The following ST3GAL3 variants were observed in gnomAD, a reference collection of about 807,000 sequenced individuals.
The protein encoded by ST3GAL3 is CMP-N-acetylneuraminate-beta-1,4-galactoside alpha-2,3-sialyltransferase.
In ST3GAL3, 21 loss-of-function variants were observed where a neutral mutation model predicts 50.1. The ratio of observed to expected loss-of-function variants is 0.42; its 90% CI spans 0.30 to 0.60. The LOEUF (loss-of-function observed/expected upper bound fraction) is 0.60, where lower values mean the gene tolerates loss of function less well. Ranked by LOEUF, ST3GAL3 falls within the 20% of genes least tolerant of loss-of-function variation. ST3GAL3 has a pLI of 0.19. For missense variants in ST3GAL3, 353 were observed against 489.4 expected (o/e 0.72, Z 2.63); for synonymous variants, 183 against 190.0 (o/e 0.96, Z 0.30).
chr1:43,927,249 C>T (rs2428961), intron 11 of ST3GAL3, among the ~76,000 whole-genome samples: 14,964 of 151,962 alleles, frequency 0.098, 928 homozygotes, highest in South Asian at 0.23. Flanking sequence ...TGCTTGAACC[C>T]GGGAGGCAGA....
At chr1:43,779,687 T>C (rs1022044407) in intron 2 of ST3GAL3, among the ~76,000 whole-genome samples, 1 of 152,216 alleles carries the variant, frequency 6.6e-6, no homozygotes, top group African/African-American at 2.4e-5. Context: ...CTCCAATTCT[T>C]CTAATACGGT....
chr1:43,723,707 G>T (rs569995887), intron 1 of ST3GAL3, among the ~76,000 whole-genome samples: 35 of 152,076 alleles, frequency 2.3e-4, no homozygotes, highest in Non-Finnish European at 4.6e-4. Context: ...TGCCTCCTGG[G>T]TTCAAGTGAT....
intron 1 of ST3GAL3, among the ~76,000 whole-genome samples, chr1:43,732,429 C>T (rs1676354216): frequency 6.6e-6 from 1 of 152,238 alleles, no homozygotes; most frequent in African/African-American, 2.4e-5. Context: ...CTTCTCTTCT[C>T]CAGCCAGCTC....
intron 5 of ST3GAL3, 71 bp from the exon 6 acceptor site, chr1:43,894,312 C>A: frequency 6.8e-7 from 1 of 1,469,486 alleles, no homozygotes; most frequent in Non-Finnish European, 9.5e-7. Context: ...CCAAGACCGA[C>A]GTACGGAAGT....
intron 9 of ST3GAL3, among the ~76,000 whole-genome samples, chr1:43,910,919 G>T (rs1279314804): frequency 6.6e-6 from 1 of 152,174 alleles, no homozygotes; most frequent in African/African-American, 2.4e-5. Context: ...GAGCCAAGAG[G>T]GATGTGCCCA....
intron 5 of ST3GAL3, among the ~76,000 whole-genome samples, chr1:43,864,852 A>T (rs1023901250): frequency 6.6e-6 from 1 of 152,104 alleles, no homozygotes; most frequent in African/African-American, 2.4e-5. Context: ...ATTTCCTAAC[A>T]TAGGAAACAC....
chr1:43,746,171 A>G (rs1482538742), intron 2 of ST3GAL3, among the ~76,000 whole-genome samples: 1 of 152,238 alleles, frequency 6.6e-6, no homozygotes, highest in African/African-American at 2.4e-5. Context: ...AAATTTTGAC[A>G]CATGCTGCAG....
intron 2 of ST3GAL3, among the ~76,000 whole-genome samples, chr1:43,775,934 G>C (rs1203812331): frequency 2.0e-5 from 3 of 152,120 alleles, no homozygotes; most frequent in Non-Finnish European, 2.9e-5. Context: ...TTTGTCCACA[G>C]TCAGCCTCCA....
chr1:43,921,146 G>A (rs968383151), intron 11 of ST3GAL3, among the ~76,000 whole-genome samples: 5 of 152,094 alleles, frequency 3.3e-5, no homozygotes, highest in Admixed American at 6.5e-5. Flanking sequence ...CCCTGGTCCT[G>A]CACCTCCCTC....
chr1:43,743,556 A>G (rs1682038406), intron 2 of ST3GAL3: 1 of 410,230 alleles, frequency 2.4e-6, no homozygotes, highest in African/African-American at 2.1e-5. Flanking sequence ...CATTTAGTAA[A>G]CTAATGAAAG....
At chr1:43,710,393 T>G (rs968121435) in intron 1 of ST3GAL3, among the ~76,000 whole-genome samples, 3 of 152,220 alleles carry the variant, frequency 2.0e-5, no homozygotes, top group Admixed American at 1.3e-4. Context: ...GGCATCTGCT[T>G]CTTTTCACTC....
intron 5 of ST3GAL3, among the ~76,000 whole-genome samples, chr1:43,872,227 G>A (rs1192941412): frequency 1.5e-5 from 1 of 68,308 alleles, no homozygotes; most frequent in African/African-American, 6.5e-5. Context: ...TGGGGGGCCG[G>A]GAGTAGGAGG....
chr1:43,915,093 G>C (rs573369971), intron 9 of ST3GAL3, among the ~76,000 whole-genome samples: 1 of 152,320 alleles, frequency 6.6e-6, no homozygotes, highest in East Asian at 1.9e-4. Context: ...ACTGACCTTT[G>C]GAGGACAGAC....
intron 9 of ST3GAL3, among the ~76,000 whole-genome samples, chr1:43,917,671 A>AATATAATATATAATATATAT: frequency 4.5e-5 from 1 of 22,322 alleles, no homozygotes; most frequent in East Asian, 1.4e-3. Context: ...AATATATATT[A>AATATAATATATAATATATAT]TATATATATA....
intron 5 of ST3GAL3, among the ~76,000 whole-genome samples, chr1:43,853,343 A>G (rs1333440865): frequency 1.3e-5 from 2 of 152,168 alleles, no homozygotes; most frequent in African/African-American, 4.8e-5. Context: ...CCATGCTGAG[A>G]TTTTTTCATA....
intron 9 of ST3GAL3, among the ~76,000 whole-genome samples, chr1:43,905,529 T>TG (rs2079245326): frequency 7.5e-6 from 1 of 134,140 alleles, no homozygotes; most frequent in African/African-American, 2.9e-5. Context: ...TTCCTGTCAC[T>TG]TTTCCTCCCC....
chr1:43,726,406 C>T lies in ST3GAL3; in HGVS notation c.-30-9827C>T, dbSNP rs535036692. Among the ~76,000 whole-genome samples the T allele has an allele frequency of 1.6e-3, 249 of 152,150 alleles. 3 individuals are homozygous for T. Among genetic ancestry groups the T allele is most frequent in the African/African-American group, 5.9e-3 (245 of 41,486 alleles). On this transcript the variant is annotated intron_variant, in intron 1 of 11. Transcript: ENST00000347631. ...GGCTCAAGTAATCCTCCCTCCTCAGCCTCCCAAGTAGCTGGGACTACAGGC... is the reference window on the plus strand; with the variant it reads ...GGCTCAAGTAATCCTCCCTCCTCAGTCTCCCAAGTAGCTGGGACTACAGGC...
intron 2 of ST3GAL3, among the ~76,000 whole-genome samples, chr1:43,759,678 G>A (rs1219915637): frequency 1.3e-5 from 2 of 152,174 alleles, no homozygotes; most frequent in Non-Finnish European, 2.9e-5. Context: ...GCTACAAAGC[G>A]ATGGCAGGTA....
At chr1:43,920,655 T>C (rs962777586) in intron 10 of ST3GAL3, 105 bp downstream of exon 10, 1 of 1,604,852 alleles carries the variant, frequency 6.2e-7, no homozygotes, top group Non-Finnish European at 8.5e-7. Flanking sequence ...AAAATAGCTT[T>C]CTGGGGAAGA....
Sources: gnomAD v4.1 joint callset for allele counts (sites outside exome capture counted in the v4.1 genomes callset) on GRCh38, gnomAD v4.1.1 for gene constraint, MANE v1.5 for transcripts, NCBI Gene and HGNC (gene_info 2026-07-23, HGNC 2026-07-21) for gene names.